The following GPR39 variants were observed in gnomAD, a reference collection of about 807,000 sequenced individuals.
GPR39 encodes G protein-coupled receptor 39, also known as zinc sensing receptor.
GPR39 carries 23 observed loss-of-function variants against 18.4 expected under a neutral mutation model. The observed-to-expected ratio is 1.25, with a 90% CI of 0.90 to 1.77. GPR39 has a LOEUF of 1.77. Among genes scored for constraint, GPR39 ranks in the 40% most tolerant of loss-of-function variants. The pLI is 0.00. For missense variants in GPR39, 647 were observed against 602.4 expected (o/e 1.07, Z -0.78); for synonymous variants, 280 against 257.9 (o/e 1.09, Z -0.82).
At chr2:132,643,647 C>A (rs1347585774) in intron 1 of GPR39, among the ~76,000 whole-genome samples, 1 of 152,174 alleles carries the variant, frequency 6.6e-6, no homozygotes, top group Non-Finnish European at 1.5e-5. Flanking sequence ...CAAAAAGTAT[C>A]TGAGACCACA....
intron 1 of GPR39, among the ~76,000 whole-genome samples, chr2:132,453,116 A>G (rs1264017425): frequency 6.6e-6 from 1 of 152,140 alleles, no homozygotes; most frequent in Non-Finnish European, 1.5e-5. Context: ...AAGTGTTCCT[A>G]TTTCTCTACA....
chr2:132,575,507 C>T (rs183025939), intron 1 of GPR39, among the ~76,000 whole-genome samples: 214 of 152,272 alleles, frequency 1.4e-3, no homozygotes, highest in African/African-American at 2.3e-3. Context: ...GATGTGTTTA[C>T]TTTTTAAAGC....
intron 1 of GPR39, among the ~76,000 whole-genome samples, chr2:132,586,997 G>T (rs1296209119): frequency 6.6e-6 from 1 of 152,226 alleles, no homozygotes; most frequent in Non-Finnish European, 1.5e-5. Flanking sequence ...CTCTCATACT[G>T]TATCAAGAGT....
At chr2:132,514,467 T>C (rs1456311251) in intron 1 of GPR39, among the ~76,000 whole-genome samples, 1 of 152,220 alleles carries the variant, frequency 6.6e-6, no homozygotes, top group Non-Finnish European at 1.5e-5. Flanking sequence ...GCTGAATTTA[T>C]CTACATCTTT....
At chr2:132,629,579 A>T (rs1239061017) in intron 1 of GPR39, among the ~76,000 whole-genome samples, 1 of 152,238 alleles carries the variant, frequency 6.6e-6, no homozygotes, top group Non-Finnish European at 1.5e-5. Flanking sequence ...AGAGTTTTGT[A>T]GCTGAAAAGG....
At chr2:132,558,217 G>A (rs1323516585) in intron 1 of GPR39, among the ~76,000 whole-genome samples, 1 of 152,140 alleles carries the variant, frequency 6.6e-6, no homozygotes, top group Non-Finnish European at 1.5e-5. Context: ...AAGTTTCTTA[G>A]TCTCTCTAAG....
chr2:132,603,739 C>T (rs1681087175), intron 1 of GPR39, among the ~76,000 whole-genome samples: 1 of 152,076 alleles, frequency 6.6e-6, no homozygotes, highest in African/African-American at 2.4e-5. Context: ...TACTAAAATC[C>T]ACTGAAGTCA....
At chr2:132,569,375 A>G (rs1158828745) in intron 1 of GPR39, among the ~76,000 whole-genome samples, 2 of 152,100 alleles carry the variant, frequency 1.3e-5, no homozygotes, top group African/African-American at 2.4e-5. Flanking sequence ...TGAGCTCTAT[A>G]TTCTAGCTCT....
intron 1 of GPR39, among the ~76,000 whole-genome samples, chr2:132,507,231 A>G (rs752770605): frequency 3.3e-5 from 5 of 152,212 alleles, no homozygotes; most frequent in Non-Finnish European, 7.3e-5. Flanking sequence ...GACATGAGAT[A>G]TAATGAATAA....
At chr2:132,496,447 A>T (rs1681643100) in intron 1 of GPR39, among the ~76,000 whole-genome samples, 1 of 152,186 alleles carries the variant, frequency 6.6e-6, no homozygotes, top group Non-Finnish European at 1.5e-5. Flanking sequence ...CCCCTCCCAA[A>T]ATAATAATCA....
chr2:132,595,192 G>A (rs1167823730), intron 1 of GPR39, among the ~76,000 whole-genome samples: 6 of 152,098 alleles, frequency 3.9e-5, no homozygotes, highest in Non-Finnish European at 8.8e-5. Context: ...AGAGATGGGG[G>A]TTTCACCATG....
At chr2:132,529,596 C>G (rs753553048) in intron 1 of GPR39, among the ~76,000 whole-genome samples, 7 of 152,196 alleles carry the variant, frequency 4.6e-5, no homozygotes, top group Non-Finnish European at 7.3e-5. Flanking sequence ...AAGTGGGAGG[C>G]ATCCCCCAGT....
chr2:132,475,655 C>T (rs1277391546), intron 1 of GPR39, among the ~76,000 whole-genome samples: 1 of 152,198 alleles, frequency 6.6e-6, no homozygotes, highest in South Asian at 2.1e-4. Flanking sequence ...CGAGGCTGCA[C>T]ATTTGACCTA....
intron 1 of GPR39, among the ~76,000 whole-genome samples, chr2:132,445,318 T>G (rs1680515381): frequency 6.6e-6 from 1 of 152,194 alleles, no homozygotes; most frequent in South Asian, 2.1e-4. Flanking sequence ...ACATGCCTTT[T>G]TTTGTAACAT....
At chr2:132,538,264 T>A (rs752895443) in intron 1 of GPR39, among the ~76,000 whole-genome samples, 1 of 152,158 alleles carries the variant, frequency 6.6e-6, no homozygotes, top group African/African-American at 2.4e-5. Flanking sequence ...GTTGATGTTG[T>A]TATTGTTGCT....
intron 1 of GPR39, among the ~76,000 whole-genome samples, chr2:132,639,936 T>C (rs866112875): frequency 2.3e-4 from 33 of 144,580 alleles, no homozygotes; most frequent in Admixed American, 9.0e-4. Flanking sequence ...TAAAAAAAAA[T>C]AATGGGCTTG....
At chr2:132,491,186 A>C (rs1681453463) in intron 1 of GPR39, among the ~76,000 whole-genome samples, 1 of 152,186 alleles carries the variant, frequency 6.6e-6, no homozygotes, top group Admixed American at 6.5e-5. Context: ...GAACTGGAAC[A>C]ATATAGGAAT....
chr2:132,609,876 C>T (rs1681210291), intron 1 of GPR39, among the ~76,000 whole-genome samples: 1 of 152,132 alleles, frequency 6.6e-6, no homozygotes, highest in African/African-American at 2.4e-5. Context: ...TAGAGTGCCT[C>T]TCCATTGTCA....
At chr2:132,455,868 T>C (rs1408830199) in intron 1 of GPR39, among the ~76,000 whole-genome samples, 1 of 152,210 alleles carries the variant, frequency 6.6e-6, no homozygotes, top group African/African-American at 2.4e-5. Flanking sequence ...TTCTCTTGTT[T>C]TACATTTGCT....
Sources: gnomAD v4.1 joint callset for allele counts (sites outside exome capture counted in the v4.1 genomes callset) on GRCh38, gnomAD v4.1.1 for gene constraint, MANE v1.5 for transcripts, NCBI Gene and HGNC (gene_info 2026-07-23, HGNC 2026-07-21) for gene names.